Variants in SPTBN1 observed in about 807,000 individuals in gnomAD.
The protein encoded by SPTBN1 is spectrin beta chain, non-erythrocytic 1.
SPTBN1 carries 32 observed loss-of-function variants against 266.4 expected under a neutral mutation model. The observed-to-expected ratio is 0.12, with a 90% CI of 0.09 to 0.16. SPTBN1 has a LOEUF of 0.16. Among genes scored for constraint, SPTBN1 ranks in the 10% least tolerant of loss-of-function variants. The pLI is 1.00. For synonymous variants in SPTBN1, 1,336 were observed against 1,162.2 expected (o/e 1.15, Z -3.04); for missense variants, 2,296 against 3,067.1 (o/e 0.75, Z 5.94).
chr2:54,480,662 C>T (rs1258354986), intron 1 of SPTBN1, among the ~76,000 whole-genome samples: 1 of 152,182 alleles, frequency 6.6e-6, no homozygotes, highest in Admixed American at 6.5e-5. Flanking sequence ...TCCATGTTGT[C>T]TACCCTCCAT....
chr2:54,610,425 C>A (rs1677138460), intron 3 of SPTBN1, among the ~76,000 whole-genome samples: 1 of 152,022 alleles, frequency 6.6e-6, no homozygotes, highest in African/African-American at 2.4e-5. Flanking sequence ...TTAATTAATT[C>A]ATTATTTATT....
At chr2:54,479,887 G>T (rs983820281) in intron 1 of SPTBN1, among the ~76,000 whole-genome samples, 1 of 151,080 alleles carries the variant, frequency 6.6e-6, no homozygotes, top group Non-Finnish European at 1.5e-5. Flanking sequence ...AAGAGGCAAG[G>T]TCTCACTGTG....
intron 2 of SPTBN1, among the ~76,000 whole-genome samples, chr2:54,529,142 A>T (rs1389490829): frequency 6.6e-6 from 1 of 152,178 alleles, no homozygotes; most frequent in Non-Finnish European, 1.5e-5. Context: ...TTGAGTGGGG[A>T]TAATTTACAT....
chr2:54,577,078 T>TAA (rs1674538092), intron 2 of SPTBN1, among the ~76,000 whole-genome samples: 1 of 152,152 alleles, frequency 6.6e-6, no homozygotes, highest in Non-Finnish European at 1.5e-5. Flanking sequence ...TCCATTTCAT[T>TAA]TGTTAATGCT....
chr2:54,549,729 TGGGAAGCCTTCCTAGAGAA>T (rs1385459983), intron 2 of SPTBN1, among the ~76,000 whole-genome samples: 1 of 152,064 alleles, frequency 6.6e-6, no homozygotes, highest in Non-Finnish European at 1.5e-5. Context: ...CTGGGTAATC[TGGGAAGCCTTCCTAGAGAA>T]GGGAAGGCTT....
intron 2 of SPTBN1, among the ~76,000 whole-genome samples, chr2:54,595,167 C>T (rs546947120): frequency 6.6e-6 from 1 of 152,210 alleles, no homozygotes; most frequent in East Asian, 1.9e-4. Context: ...GAGACTATTT[C>T]TTTGCTGGAG....
chr2:54,471,165 C>T (rs571166157), intron 1 of SPTBN1, among the ~76,000 whole-genome samples: 10 of 152,274 alleles, frequency 6.6e-5, no homozygotes, highest in Admixed American at 6.5e-4. Context: ...GGGAAAATTG[C>T]TTGAGCCTAG....
chr2:54,531,045 C>A (rs1432578133), intron 2 of SPTBN1, among the ~76,000 whole-genome samples: 2 of 152,180 alleles, frequency 1.3e-5, no homozygotes, highest in African/African-American at 2.4e-5. Context: ...GGAAGCCCCA[C>A]CTCACCCCAG....
chr2:54,665,057 C>T (rs1681282681), intron 33 of SPTBN1, among the ~76,000 whole-genome samples: 2 of 152,294 alleles, frequency 1.3e-5, no homozygotes, highest in South Asian at 2.1e-4. Flanking sequence ...CCCTGATCTC[C>T]ATATCAGCCT....
intron 2 of SPTBN1, among the ~76,000 whole-genome samples, chr2:54,571,406 G>T (rs561982387): frequency 3.6e-4 from 55 of 152,206 alleles, no homozygotes; most frequent in South Asian, 1.2e-3. Flanking sequence ...AGGATGACGA[G>T]TTCACCGTTT....
intron 6 of SPTBN1, 99 bp from the exon 7 acceptor site, chr2:54,617,979 T>C (rs951663179): frequency 2.2e-6 from 2 of 923,134 alleles, no homozygotes; most frequent in Non-Finnish European, 3.4e-6. Flanking sequence ...ACTCCACTAA[T>C]TGGTGATTTT....
At chr2:54,543,525 A>G (rs2104404581) in intron 2 of SPTBN1, among the ~76,000 whole-genome samples, 1 of 152,174 alleles carries the variant, frequency 6.6e-6, no homozygotes, top group East Asian at 1.9e-4. Context: ...TTTGCTGTGA[A>G]GTTTAGAGGG....
chr2:54,646,538 T>C lies in SPTBN1; in HGVS notation c.4866+63T>C. 3 of 1,428,054 alleles carry C rather than the reference T, an allele frequency of 2.1e-6. No individual in the cohort carries two copies. The highest frequency in any genetic ancestry group is 2.8e-6 in the Non-Finnish European group (3 of 1,090,032). The allele number at this position is 1,428,054 out of a possible 1,614,324, so 88.5% of individuals were successfully genotyped here. ...CCTCAGATTCAAACCCTGGGCACACTTTCTGCTGGCGGCTCTGTCTGTATA... is the reference window on the plus strand; with the variant it reads ...CCTCAGATTCAAACCCTGGGCACACCTTCTGCTGGCGGCTCTGTCTGTATA... On this transcript the variant is annotated intron_variant, in intron 23 of 35. Coordinates refer to ENST00000356805, the MANE Select transcript of SPTBN1 (RefSeq NM_003128.3). The surrounding 1 kb of genome is among the most constrained non-coding windows in gnomAD (Gnocchi z 4.4).
At chr2:54,581,577 C>CTTTTTTT (rs70944181) in intron 2 of SPTBN1, among the ~76,000 whole-genome samples, 25 of 102,654 alleles carry the variant, frequency 2.4e-4, no homozygotes, top group African/African-American at 7.4e-4. Flanking sequence ...TTTCTTTGCC[C>CTTTTTTT]TTTTTTTTTT....
Position 54,575,910 on chromosome 2 carries a change from A to T in SPTBN1, c.149-23182A>T, listed in dbSNP as rs540762483. Among the ~76,000 whole-genome samples, 184 of 152,264 alleles carry T rather than the reference A, an allele frequency of 1.2e-3. 1 individual carries two copies. The highest frequency in any genetic ancestry group is 3.4e-3 in the Middle Eastern group (1 of 294). On this transcript the variant is annotated intron_variant, in intron 2 of 35. Coordinates refer to ENST00000356805, the MANE Select transcript of SPTBN1 (RefSeq NM_003128.3). ...GTCTTTTCTCCTGAGACAGGAATTA[A>T]CCTGTAGTACGAGAAACATGGTTGG...
At chr2:54,600,339 C>G (rs985885413) in intron 3 of SPTBN1, among the ~76,000 whole-genome samples, 2 of 152,208 alleles carry the variant, frequency 1.3e-5, no homozygotes, top group Non-Finnish European at 2.9e-5. Flanking sequence ...GAAGCCCTGT[C>G]TTCTCTGTAG....
chr2:54,571,894 A>G (rs1198799105), intron 2 of SPTBN1, among the ~76,000 whole-genome samples: 1 of 152,220 alleles, frequency 6.6e-6, no homozygotes, highest in African/African-American at 2.4e-5. Flanking sequence ...TGAATGAAAG[A>G]ATACATCATG....
chr2:54,552,245 AT>A (rs1355581753), intron 2 of SPTBN1, among the ~76,000 whole-genome samples: 1 of 152,226 alleles, frequency 6.6e-6, no homozygotes, highest in Non-Finnish European at 1.5e-5. Context: ...AATTTCTCCT[AT>A]GAGGAGATAA....
intron 2 of SPTBN1, chr2:54,529,240 G>A (rs1220492583): frequency 2.7e-5 from 10 of 371,964 alleles, no homozygotes; most frequent in African/African-American, 4.2e-5. Flanking sequence ...CCCTTCCTTC[G>A]GTGTTTGAGA....
Sources: allele counts gnomAD v4.1 joint callset (sites outside exome capture counted in the v4.1 genomes callset), GRCh38; gene constraint gnomAD v4.1.1; non-coding constraint Gnocchi (gnomAD v3.1); transcripts MANE v1.5; gene names NCBI Gene and HGNC (gene_info 2026-07-23, HGNC 2026-07-21).